PIK3AP1: variants seen among roughly 807,000 people sequenced by gnomAD.
PIK3AP1 encodes phosphoinositide-3-kinase adaptor protein 1.
Under a neutral mutation model 88.1 loss-of-function variants are expected in PIK3AP1, and 21 were observed. The observed-to-expected ratio is 0.24, with a 90% CI of 0.17 to 0.34. The LOEUF (loss-of-function observed/expected upper bound fraction) is 0.34. Among genes scored for constraint, PIK3AP1 ranks in the 10% least tolerant of loss-of-function variants. The pLI, the probability that PIK3AP1 is intolerant of heterozygous loss-of-function variation, is 1.00. For missense variants in PIK3AP1, 828 were observed against 1,035.7 expected, an observed-to-expected ratio of 0.80 and a Z score of 2.75; for synonymous variants, 398 against 400.0, an observed-to-expected ratio of 1.00 and a Z score of 0.06.
At chr10:96,598,657 T>C (rs897617685) in intron 16 of PIK3AP1, among the ~76,000 whole-genome samples, 3 of 152,138 alleles carry the variant, frequency 2.0e-5, no homozygotes, top group Non-Finnish European at 2.9e-5. Flanking sequence ...TATTAGAGTA[T>C]AGAATATAAT....
intron 2 of PIK3AP1, among the ~76,000 whole-genome samples, chr10:96,702,396 G>A (rs191251310): frequency 1.3e-5 from 2 of 151,960 alleles, no homozygotes; most frequent in East Asian, 3.9e-4. Context: ...CTACTCAGGA[G>A]GCTGAGGCAG....
intron 2 of PIK3AP1, among the ~76,000 whole-genome samples, chr10:96,702,434 G>A (rs1434173948): frequency 4.0e-5 from 6 of 151,622 alleles, no homozygotes; most frequent in Admixed American, 3.9e-4. Context: ...TGGAGGCAGA[G>A]GTTGCAGTGA....
chr10:96,611,817 G>A (rs1849114823), intron 13 of PIK3AP1, among the ~76,000 whole-genome samples: 1 of 152,100 alleles, frequency 6.6e-6, no homozygotes, highest in Admixed American at 6.5e-5. Flanking sequence ...TAACTTCGAG[G>A]AGGCAATTTT....
intron 2 of PIK3AP1, among the ~76,000 whole-genome samples, chr10:96,667,600 T>C (rs1843782287): frequency 6.6e-6 from 1 of 152,284 alleles, no homozygotes; most frequent in East Asian, 1.9e-4. Flanking sequence ...GTCATCCATC[T>C]GCCAGGGTTT....
chr10:96,704,543 C>T (rs775510877), intron 2 of PIK3AP1, among the ~76,000 whole-genome samples: 7 of 152,012 alleles, frequency 4.6e-5, no homozygotes, highest in South Asian at 4.1e-4. Context: ...CATGGTGAAA[C>T]CCCATCACTA....
intron 8 of PIK3AP1, among the ~76,000 whole-genome samples, chr10:96,630,943 C>T (rs1843236711): frequency 6.6e-6 from 1 of 152,186 alleles, no homozygotes; most frequent in South Asian, 2.1e-4. Context: ...GTACTGCCTT[C>T]CTTCTTCCCA....
Position 96,632,786 on chromosome 10 carries a change from A to G in PIK3AP1, c.1376-4293T>C, listed in dbSNP as rs1843261822. ...CGTGGGCATTAGGATCGCAATGCAT[A>G]GGTTCCAATTGTGTTTTTCCCACTT... On this transcript the variant is annotated intron_variant, in intron 8 of 16. Coordinates refer to ENST00000339364, the MANE Select transcript of PIK3AP1 (RefSeq NM_152309.3). 5 of 1,435,730 alleles carry G rather than the reference A, an allele frequency of 3.5e-6. No individual in the cohort carries two copies. In the African/African-American group the frequency reaches 5.7e-5, roughly 16 times the overall value. The allele number at this position is 1,435,730 out of a possible 1,614,324, so 88.9% of individuals were successfully genotyped here.
At position 96,594,246 on chromosome 10, in the gene PIK3AP1, G is replaced by T. The variant is rs1589472562; in HGVS notation, c.*1331C>A. On this transcript the variant is annotated 3_prime_UTR_variant, in exon 17 of 17. Transcript: ENST00000339364. This position sits in a 1 kb window ranked among gnomAD's most constrained non-coding sequence, Gnocchi z 4.6. ...ACAGTCGTACTTTGGTATCCATGGG[G>T]GATTGGTTCCAGGATCCCCCAGTAT... is the stretch of plus-strand genomic sequence containing the variant. 1 of 152,084 alleles carries T rather than the reference G, an allele frequency of 6.6e-6. No homozygotes were observed. The highest frequency in any genetic ancestry group is 1.9e-4 in the East Asian group (1 of 5,192). 9.4% of individuals were successfully genotyped at this position (152,084 alleles called of 1,614,324 possible).
chr10:96,699,715 A>G (rs1844270062), intron 2 of PIK3AP1, among the ~76,000 whole-genome samples: 1 of 152,172 alleles, frequency 6.6e-6, no homozygotes, highest in African/African-American at 2.4e-5. Flanking sequence ...CTTGGACTAC[A>G]AGACAGGAGG....
intron 1 of PIK3AP1, among the ~76,000 whole-genome samples, chr10:96,710,766 A>G (rs1324008585): frequency 6.6e-6 from 1 of 152,156 alleles, no homozygotes; most frequent in African/African-American, 2.4e-5. Context: ...CCCATTCTTT[A>G]AAAAAATGAG....
intron 2 of PIK3AP1, among the ~76,000 whole-genome samples, chr10:96,677,031 G>C (rs1843932346): frequency 6.6e-6 from 1 of 151,990 alleles, no homozygotes; most frequent in Non-Finnish European, 1.5e-5. Context: ...TCTTCACACA[G>C]CCTCCAGCAG....
At chr10:96,616,574 G>A (rs1244268788) in intron 13 of PIK3AP1, 65 bp downstream of exon 13, 2 of 1,553,934 alleles carry the variant, frequency 1.3e-6, no homozygotes, top group African/African-American at 2.7e-5. Context: ...CAGCCAAAAG[G>A]AGAGTCAAGG....
intron 9 of PIK3AP1, among the ~76,000 whole-genome samples, chr10:96,627,790 G>A (rs529462557): frequency 8.6e-4 from 131 of 152,276 alleles, no homozygotes; most frequent in African/African-American, 3.0e-3. Context: ...GTGCATGGTG[G>A]TGCTCTGAGA....
chr10:96,631,711 C>G (rs986372696), intron 8 of PIK3AP1, among the ~76,000 whole-genome samples: 3 of 152,012 alleles, frequency 2.0e-5, no homozygotes, highest in African/African-American at 7.3e-5. Flanking sequence ...TGGCAAAACC[C>G]CATCTCTACT....
chr10:96,653,208 C>CT lies in PIK3AP1; in HGVS notation c.568-367_568-366insA, dbSNP rs558197031. ...GATCACAAGGTAAGGAGTTTGAGACCAGCCTGGCCAACATGGTGAAACCCC... is the reference window on the plus strand; with the variant it reads ...GATCACAAGGTAAGGAGTTTGAGACCTAGCCTGGCCAACATGGTGAAACCCC... On this transcript the variant is annotated intron_variant, in intron 3 of 16. Coordinates refer to ENST00000339364, the MANE Select transcript of PIK3AP1 (RefSeq NM_152309.3). 9.9e-5 allele frequency among the ~76,000 whole-genome samples: 15 copies of CT among 151,838 alleles called. No homozygotes were observed. In the East Asian group the frequency reaches 2.9e-3, roughly 30 times the overall value.
At chr10:96,664,381 C>G (rs956253509) in intron 2 of PIK3AP1, among the ~76,000 whole-genome samples, 1 of 152,130 alleles carries the variant, frequency 6.6e-6, no homozygotes, top group African/African-American at 2.4e-5. Flanking sequence ...TTTCCTCTCT[C>G]CCTCCCTCCT....
rs1399486978 is a variant in PIK3AP1, at chr10:96,675,722, C to T, written c.431-18788G>A. ...ATAAAATAGAGATTATAATTCCTAC[C>T]TCTCAGGACTGTTATTGTTGAACAC... On this transcript the variant is annotated intron_variant, in intron 2 of 16. Transcript: ENST00000339364. Among the ~76,000 whole-genome samples, 3 of 152,282 alleles carry T rather than the reference C, an allele frequency of 2.0e-5. No individual in the cohort carries two copies. The East Asian group carries it at 5.8e-4, about 29-fold the overall frequency.
In PIK3AP1 at chr10:96,604,055, G is replaced by A; in HGVS notation, c.2171-6C>T. 1 of 1,583,532 alleles carries A rather than the reference G, an allele frequency of 6.3e-7. No individual in the cohort carries two copies. The highest frequency in any genetic ancestry group is 8.6e-7 in the Non-Finnish European group (1 of 1,159,048). On this transcript the variant is annotated splice_polypyrimidine_tract_variant and splice_region_variant and intron_variant, in intron 14 of 16. Coordinates refer to ENST00000339364, the MANE Select transcript of PIK3AP1 (RefSeq NM_152309.3). ...GGAGCGGTTACTTGTGCTACCTAAA[G>A]GGTAGAAAGAAAATCAGCCGGATTG...
At chr10:96,618,358 T>C (rs1843027421) in intron 12 of PIK3AP1, among the ~76,000 whole-genome samples, 1 of 152,174 alleles carries the variant, frequency 6.6e-6, no homozygotes, top group South Asian at 2.1e-4. Context: ...TCTGCAACAA[T>C]GGACTGGTAC....
Sources: gnomAD v4.1 joint callset for allele counts (sites outside exome capture counted in the v4.1 genomes callset) on GRCh38, gnomAD v4.1.1 for gene constraint, Gnocchi (gnomAD v3.1) non-coding constraint, MANE v1.5 for transcripts, NCBI Gene and HGNC (gene_info 2026-07-23, HGNC 2026-07-21) for gene names.